Variants in PMPCA observed in about 807,000 individuals in gnomAD.
PMPCA encodes peptidase, mitochondrial processing subunit alpha.
In PMPCA, 47 loss-of-function variants were observed where a neutral mutation model predicts 59.3. That is an observed-to-expected ratio of 0.79 (90% CI 0.63 to 1.01). The LOEUF (loss-of-function observed/expected upper bound fraction) is 1.01. Ranked by LOEUF, PMPCA falls within the 50% of genes least tolerant of loss-of-function variation. The pLI is 0.00. For synonymous variants in PMPCA, 338 were observed against 290.3 expected, an observed-to-expected ratio of 1.16 and a Z score of -1.67; for missense variants, 726 against 704.5, an observed-to-expected ratio of 1.03 and a Z score of -0.34.
intron 7 of PMPCA, among the ~76,000 whole-genome samples, chr9:136,417,597 C>T (rs922402381): frequency 6.6e-6 from 1 of 152,046 alleles, no homozygotes; most frequent in Admixed American, 6.6e-5. Flanking sequence ...CTCAACTTCC[C>T]GAGTAGCTGG....
rs373478521 is a variant in PMPCA at position 136,412,572 on chromosome 9, C to T, written c.354+3C>T. 36 of 1,509,530 alleles carry T rather than the reference C, an allele frequency of 2.4e-5. No homozygotes were observed. Among genetic ancestry groups the T allele is most frequent in the Non-Finnish European group, 2.9e-5 (32 of 1,090,014 alleles). 93.5% of individuals were successfully genotyped at this position (1,509,530 alleles called of 1,614,324 possible). Reference sequence around the variant, plus strand: ...TTTTGGAAAAATTGGCATTTTCGGTCAGTACCCAGTTTTGTAATTTTTTAG... The same window carrying T: ...TTTTGGAAAAATTGGCATTTTCGGTTAGTACCCAGTTTTGTAATTTTTTAG... On this transcript the variant is annotated splice_donor_region_variant and intron_variant, in intron 3 of 12. Transcript: ENST00000371717.
At chr9:136,420,764 T>G (rs1004884772) in intron 11 of PMPCA, 1 of 152,210 alleles carries the variant, frequency 6.6e-6, no homozygotes, top group South Asian at 2.1e-4. Flanking sequence ...TGCCTAAAGT[T>G]GCAAAAAGAC....
chr9:136,422,248 C>T (rs1165623062), intron 12 of PMPCA: 74 of 1,383,634 alleles, frequency 5.3e-5, no homozygotes, highest in Non-Finnish European at 6.4e-5. Context: ...TCACTACTGC[C>T]CAGAGTTGTT....
intron 11 of PMPCA, among the ~76,000 whole-genome samples, chr9:136,421,568 C>G (rs576171366): frequency 6.6e-6 from 1 of 152,068 alleles, no homozygotes; most frequent in Non-Finnish European, 1.5e-5. Context: ...CGCCACCACG[C>G]CCAGCTAATT....
chr9:136,421,846 A>G lies in PMPCA; in HGVS notation c.1278A>G (p.Arg426=). ...GGTVDTVELE[R]AKTQLTSMLM... is the part of the protein sequence containing the mutation. ...CCTGGCCCCAGGTGGAGCTGGAACG[A>G]GCCAAGACGCAGCTGACATCAATGC... The change falls in exon 12 of 13, where the codon CGA becomes CGG. Residue 426 remains arginine, a synonymous_variant. Coordinates refer to ENST00000371717, the MANE Select transcript of PMPCA (RefSeq NM_015160.3). 1 of 1,594,474 alleles carries G rather than the reference A, an allele frequency of 6.3e-7. No individual in the cohort carries two copies. The highest frequency in any genetic ancestry group is 8.6e-7 in the Non-Finnish European group (1 of 1,167,010).
chr9:136,411,795 C>T (rs772243490), intron 1 of PMPCA, among the ~76,000 whole-genome samples: 1 of 152,206 alleles, frequency 6.6e-6, no homozygotes, highest in South Asian at 2.1e-4. Context: ...ACCCAAAGGA[C>T]GGAACCAGCT....
At chr9:136,411,142 C>G (rs1312598181) in intron 1 of PMPCA, 3 of 187,612 alleles carry the variant, frequency 1.6e-5, no homozygotes, top group Non-Finnish European at 3.3e-5. Flanking sequence ...GTCCGTTGAT[C>G]TCTGACGTTT....
chr9:136,423,325 T>C lies in PMPCA; in HGVS notation c.*61T>C. 1 of 1,516,990 alleles carries C rather than the reference T, an allele frequency of 6.6e-7. No homozygotes were observed. 94.0% of individuals were successfully genotyped at this position (1,516,990 alleles called of 1,614,324 possible). A position where few individuals can be genotyped will look rare whatever the true frequency, so the allele number is the denominator to read the frequency against. On this transcript the variant is annotated 3_prime_UTR_variant, in exon 13 of 13. Coordinates refer to ENST00000371717, the MANE Select transcript of PMPCA (RefSeq NM_015160.3). ...AGCTGGAGCCCGTTCCCGTGCGTGT[T>C]AGTTTGGACACGAATTTAGTCTAAA...
In PMPCA at chr9:136,416,310, G is replaced by A. The variant is rs1270688652; in HGVS notation, c.552G>A (p.Thr184=). The part of the protein sequence containing the change: ...PRLTDEEVEM[T]RMAVQFELED... Reference sequence around the variant, plus strand: ...TTGCAGATGAAGAAGTCGAGATGACGCGGATGGCGGTCCAGTTTGAGCTGG... The same window carrying A: ...TTGCAGATGAAGAAGTCGAGATGACACGGATGGCGGTCCAGTTTGAGCTGG... The change falls in exon 6 of 13, where the codon ACG becomes ACA. Residue 184 remains threonine, a synonymous_variant. Coordinates refer to ENST00000371717, the MANE Select transcript of PMPCA (RefSeq NM_015160.3). 12 of 1,613,690 alleles carry A rather than the reference G, an allele frequency of 7.4e-6. No individual in the cohort carries two copies. The highest frequency in any genetic ancestry group is 1.0e-5 in the Non-Finnish European group (12 of 1,179,804).
intron 5 of PMPCA, 67 bp from the exon 6 acceptor site, chr9:136,416,224 G>C: frequency 1.7e-6 from 2 of 1,144,854 alleles, no homozygotes; most frequent in Non-Finnish European, 2.6e-6. Context: ...CACAAGCTGT[G>C]GGTCACTGCT....
At chr9:136,418,210 G>A (rs1588817050) in intron 8 of PMPCA, 101 bp downstream of exon 8, 1 of 858,558 alleles carries the variant, frequency 1.2e-6, no homozygotes, top group Non-Finnish European at 2.0e-6. Flanking sequence ...TCCTGATGGG[G>A]CGTGGGCGGC....
At chr9:136,421,733 A>G in intron 11 of PMPCA, 99 bp from the exon 12 acceptor site, 1 of 1,171,222 alleles carries the variant, frequency 8.5e-7, no homozygotes, top group South Asian at 1.5e-5. Flanking sequence ...TCTTATGTTC[A>G]GCTTTGGGCA....
chr9:136,411,034 C>T (rs1835090608), intron 1 of PMPCA: 5 of 345,622 alleles, frequency 1.4e-5, no homozygotes, highest in Non-Finnish European at 2.6e-5. Flanking sequence ...GCTTCACCTA[C>T]CGCGTGCTCC....
chr9:136,416,240 C>T lies in PMPCA; in HGVS notation c.533-51C>T, dbSNP rs764836921. 3.0e-6 allele frequency: 4 copies of T among 1,332,268 alleles called. No homozygotes were observed. The South Asian group carries it at 3.6e-5, about 12-fold the overall frequency. The allele number at this position is 1,332,268 out of a possible 1,614,324, so 82.5% of individuals were successfully genotyped here. A position where few individuals can be genotyped will look rare whatever the true frequency, so the allele number is the denominator to read the frequency against. On this transcript the variant is annotated intron_variant, in intron 5 of 12. Coordinates refer to ENST00000371717, the MANE Select transcript of PMPCA (RefSeq NM_015160.3). ...ACAAGCTGTGGGTCACTGCTGTGTTCCTCATCTCTGCCTGTGCAGACTCAG... is the reference window on the plus strand; with the variant it reads ...ACAAGCTGTGGGTCACTGCTGTGTTTCTCATCTCTGCCTGTGCAGACTCAG...
Position 136,416,323 on chromosome 9 carries a change from C to T in PMPCA, c.565C>T (p.Gln189Ter). Residue 189 changes from glutamine (Q) to a stop codon, truncating the protein, a stop_gained, in exon 6 of 13, where the codon CAG (glutamine) becomes TAG (stop). Transcript: ENST00000371717. LOFTEE classifies it high-confidence loss of function. ...AGTCGAGATGACGCGGATGGCGGTCCAGTTTGAGCTGGAGGACCTGAACCT... is the reference window on the plus strand; with the variant it reads ...AGTCGAGATGACGCGGATGGCGGTCTAGTTTGAGCTGGAGGACCTGAACCT... ...EEVEMTRMAV[Q>*]FELEDLNLRP... The T allele has an allele frequency of 6.2e-7, 1 of 1,613,904 alleles. No individual in the cohort carries two copies. The highest frequency in any genetic ancestry group is 1.3e-5 in the African/African-American group (1 of 75,012).
At position 136,417,082 on chromosome 9, in the gene PMPCA, C is replaced by T. The variant is rs144130240; in HGVS notation, c.765C>T (p.Gly255=). The change falls in exon 7 of 13, where the codon GGC becomes GGT. Residue 255 remains glycine, a synonymous_variant. Transcript: ENST00000371717. ...CTCCCGACCGCATGGTGCTGGCCGG[C>T]GTGGGCGTGGAGCACGAGCATCTGG... is the stretch of plus-strand genomic sequence containing the variant. ...YYTPDRMVLA[G]VGVEHEHLVD... 6.8e-6 allele frequency: 11 copies of T among 1,613,988 alleles called. No homozygotes were observed. Among genetic ancestry groups the T allele is most frequent in the Non-Finnish European group, 9.3e-6 (11 of 1,180,032 alleles).
At chr9:136,415,028 C>T (rs1466344876) in intron 5 of PMPCA, among the ~76,000 whole-genome samples, 4 of 152,148 alleles carry the variant, frequency 2.6e-5, no homozygotes, top group African/African-American at 7.2e-5. Flanking sequence ...GTTGAGGCTG[C>T]AGTGAGCCAT....
intron 11 of PMPCA, among the ~76,000 whole-genome samples, chr9:136,421,410 T>TTGTTTTTTG (rs1327829510): frequency 2.8e-5 from 2 of 71,576 alleles, no homozygotes; most frequent in Admixed American, 2.9e-4. Flanking sequence ...TCCCGTTTTT[T>TTGTTTTTTG]TTTTTTTTTT....
At chr9:136,412,635 T>C in intron 3 of PMPCA, 66 bp downstream of exon 3, 1 of 855,166 alleles carries the variant, frequency 1.2e-6, no homozygotes, top group Admixed American at 2.2e-5. Flanking sequence ...TTTTCTTGTC[T>C]ATAATGGTTA....
Sources: allele counts gnomAD v4.1 joint callset (sites outside exome capture counted in the v4.1 genomes callset), GRCh38; gene constraint gnomAD v4.1.1; transcripts MANE v1.5; gene names NCBI Gene and HGNC (gene_info 2026-07-23, HGNC 2026-07-21).